MIER2: variants seen among roughly 807,000 people sequenced by gnomAD.
MIER2 encodes mesoderm induction early response protein 2.
Under a neutral mutation model 67.6 loss-of-function variants are expected in MIER2, and 30 were observed. The observed-to-expected ratio is 0.44, with a 90% CI of 0.33 to 0.60. MIER2 has a LOEUF of 0.60. MIER2 is among the 20% of genes least tolerant of loss of function. The pLI, the probability that MIER2 is intolerant of heterozygous loss-of-function variation, is 0.02. For synonymous variants in MIER2, 372 were observed against 312.6 expected, an observed-to-expected ratio of 1.19 and a Z score of -2.00; for missense variants, 702 against 745.1, an observed-to-expected ratio of 0.94 and a Z score of 0.67.
chr19:339,612 AAAAAC>A (rs1972415145), intron 1 of MIER2, among the ~76,000 whole-genome samples: 1 of 152,224 alleles, frequency 6.6e-6, no homozygotes, highest in Non-Finnish European at 1.5e-5. Context: ...ATCAGCTGAC[AAAAAC>A]AAAACAAAGC....
Position 339,795 on chromosome 19 carries a change from G to C in MIER2, c.10-3622C>G, listed in dbSNP as rs146173311. ...TCGTAGAGACAGAAAATGGATTCCT[G>C]GTGGAAAGGGGCTGGGAGTTGATCT... On this transcript the variant is annotated intron_variant, in intron 1 of 13. Transcript: ENST00000264819. Among the ~76,000 whole-genome samples the C allele has an allele frequency of 3.6e-3, 541 of 152,104 alleles. 12 individuals carry two copies. The highest frequency in any genetic ancestry group is 0.031 in the Admixed American group (469 of 15,272).
At chr19:319,211 AATT>A (rs1183810871) in intron 7 of MIER2, among the ~76,000 whole-genome samples, 1 of 150,978 alleles carries the variant, frequency 6.6e-6, no homozygotes, top group East Asian at 2.0e-4. Flanking sequence ...ACAATACAAA[AATT>A]AGCTAGGCGT....
intron 2 of MIER2, among the ~76,000 whole-genome samples, chr19:335,126 G>A (rs547286873): frequency 1.1e-4 from 17 of 152,384 alleles, no homozygotes; most frequent in African/African-American, 4.1e-4. Flanking sequence ...GAACTGGGAT[G>A]TGTCACCATT....
At chr19:342,088 C>G (rs983098576) in intron 1 of MIER2, among the ~76,000 whole-genome samples, 5 of 152,118 alleles carry the variant, frequency 3.3e-5, no homozygotes, top group African/African-American at 1.2e-4. Context: ...CTGAAACAAC[C>G]TCCTCCTAAG....
chr19:344,424 G>C (rs1972646819), intron 1 of MIER2: 32 of 977,732 alleles, frequency 3.3e-5, no homozygotes, highest in Non-Finnish European at 3.8e-5. Context: ...CCGGGAACCG[G>C]AGCCGGACCC....
chr19:310,536 G>A (rs144963564), intron 10 of MIER2, among the ~76,000 whole-genome samples: 8 of 51,122 alleles, frequency 1.6e-4, no homozygotes, highest in Admixed American at 8.2e-4. Flanking sequence ...ATAGAAACAC[G>A]GCCCGGAGCT....
intron 3 of MIER2, among the ~76,000 whole-genome samples, chr19:329,486 C>T (rs747178413): frequency 2.6e-5 from 4 of 152,152 alleles, no homozygotes; most frequent in Non-Finnish European, 4.4e-5. Flanking sequence ...CATTGGCAGC[C>T]GGCAAGAGCC....
intron 7 of MIER2, among the ~76,000 whole-genome samples, chr19:323,104 C>T (rs553145221): frequency 1.3e-4 from 20 of 151,880 alleles, no homozygotes; most frequent in South Asian, 2.1e-4. Context: ...ACCACGCAGA[C>T]GACTCGAATG....
chr19:307,579 C>G (rs747212178), intron 12 of MIER2, 43 bp from the exon 13 acceptor site: 1 of 1,465,182 alleles, frequency 6.8e-7, no homozygotes, highest in East Asian at 2.4e-5. Context: ...TGCCCACAGC[C>G]GCGGATCCTG....
intron 7 of MIER2, among the ~76,000 whole-genome samples, chr19:313,977 G>A (rs1345224869): frequency 6.6e-6 from 1 of 152,162 alleles, no homozygotes; most frequent in Non-Finnish European, 1.5e-5. Flanking sequence ...CTGGGGCAGG[G>A]GAATTCTAAG....
At chr19:337,123 T>C (rs1202647253) in intron 1 of MIER2, among the ~76,000 whole-genome samples, 3 of 152,068 alleles carry the variant, frequency 2.0e-5, no homozygotes, top group Non-Finnish European at 4.4e-5. Flanking sequence ...GCATTATGGG[T>C]GTGAGCTACC....
At chr19:330,883 CACTCCACAACTA>C (rs1971992936) in intron 3 of MIER2, among the ~76,000 whole-genome samples, 1 of 152,174 alleles carries the variant, frequency 6.6e-6, no homozygotes, top group Non-Finnish European at 1.5e-5. Context: ...TCTCAGATTC[CACTCCACAACTA>C]CTCTCTACAA....
At position 307,395 on chromosome 19, in the gene MIER2, G is replaced by A. The variant is rs1473197155; in HGVS notation, c.1340C>T (p.Pro447Leu). ...SPAVPLSHRP[P>L]ALADPASYQP... ...GTATGAGGCTGGGTCGGCCAGGGCT[G>A]GGGGCCGATGGGACAGGGGTACAGC... Residue 447 changes from proline to leucine, a missense_variant, in exon 13 of 14, where the codon CCA becomes CTA. Pro to Leu is a moderately conservative substitution (Grantham distance 98). This residue lies in a region of MIER2 where 254 missense variants were observed against 262.8 expected (regional missense o/e 0.97). Transcript: ENST00000264819. 3 of 1,606,932 alleles carry A rather than the reference G, an allele frequency of 1.9e-6. No individual in the cohort carries two copies. Among genetic ancestry groups the A allele is most frequent in the Non-Finnish European group, 2.5e-6 (3 of 1,178,060 alleles).
At chr19:332,593 C>T (rs1000194970) in intron 3 of MIER2, among the ~76,000 whole-genome samples, 5 of 141,990 alleles carry the variant, frequency 3.5e-5, no homozygotes, top group South Asian at 2.5e-4. Flanking sequence ...TGAGCCACCG[C>T]GCCCAACAAT....
intron 7 of MIER2, among the ~76,000 whole-genome samples, chr19:318,220 GA>G (rs1971344007): frequency 6.6e-6 from 1 of 152,050 alleles, no homozygotes; most frequent in African/African-American, 2.4e-5. Context: ...GCCATTTACA[GA>G]AAATACACTT....
chr19:325,658 T>A lies in MIER2; in HGVS notation c.632A>T (p.His211Leu). Residue 211 changes from histidine to leucine, a missense_variant, in exon 7 of 14, where the codon CAC (histidine) becomes CTC (leucine). His to Leu is a moderately conservative substitution (Grantham distance 99). This residue lies in a region of MIER2 where 320 missense variants were observed against 292.6 expected (regional missense o/e 1.09). Coordinates refer to ENST00000264819, the MANE Select transcript of MIER2 (RefSeq NM_017550.3). ...ACTCTTCTCACAGTGCCGGTTCAAG[T>A]GCAGGTTGCTGAGGTCAGCTTGGAA... is the stretch of plus-strand genomic sequence containing the variant. The part of the protein sequence containing the change: ...PQFQADLSNL[H>L]LNRHCEKIYE... 6.2e-7 allele frequency: 1 copy of A among 1,614,188 alleles called. No individual in the cohort carries two copies. The highest frequency in any genetic ancestry group is 1.3e-5 in the African/African-American group (1 of 75,046).
At chr19:341,588 T>C (rs1054760185) in intron 1 of MIER2, among the ~76,000 whole-genome samples, 1 of 152,142 alleles carries the variant, frequency 6.6e-6, no homozygotes, top group Non-Finnish European at 1.5e-5. Flanking sequence ...CCCTGCCTGG[T>C]GTCCAGGTGC....
At chr19:326,717 C>A in intron 5 of MIER2, 119 bp from the exon 6 acceptor site, 14 of 816,150 alleles carry the variant, frequency 1.7e-5, no homozygotes, top group Non-Finnish European at 1.0e-5. Flanking sequence ...TCTCTCTGGC[C>A]AGACATTGGG....
At chr19:321,852 T>G (rs929030799) in intron 7 of MIER2, among the ~76,000 whole-genome samples, 1 of 152,150 alleles carries the variant, frequency 6.6e-6, no homozygotes, top group Non-Finnish European at 1.5e-5. Flanking sequence ...AAGGCGTCAC[T>G]GCAGCTCAGT....
Sources: allele counts gnomAD v4.1 joint callset (sites outside exome capture counted in the v4.1 genomes callset), GRCh38; gene constraint gnomAD v4.1.1; regional missense constraint gnomAD v4.1.1; transcripts MANE v1.5; gene names NCBI Gene and HGNC (gene_info 2026-07-23, HGNC 2026-07-21).